DCD: variants seen among roughly 807,000 people sequenced by gnomAD.
The protein encoded by DCD is diffusible survival/evasion peptide.
A neutral mutation model predicts 14.5 loss-of-function variants in DCD; 17 were observed. The observed-to-expected ratio is 1.18, with a 90% CI of 0.81 to 1.76. The LOEUF is 1.76. Ranked by LOEUF, DCD falls within the 40% of genes most tolerant of loss-of-function variation. The pLI, the probability that DCD is intolerant of heterozygous loss-of-function variation, is 0.00. For synonymous variants in DCD, 64 were observed against 54.0 expected (o/e 1.19, Z -0.82); for missense variants, 139 against 133.4 (o/e 1.04, Z -0.21).
At chr12:54,647,306 C>T in intron 1 of DCD, 147 bp from the exon 2 acceptor site, 1 of 718,414 alleles carries the variant, frequency 1.4e-6, no homozygotes, top group East Asian at 2.9e-5. Context: ...CACAAGGGGC[C>T]CACTAGAAAT....
At position 54,645,639 on chromosome 12, in the gene DCD, G is replaced by A. The variant is rs202098511; in HGVS notation, c.166C>T (p.Pro56Ser). 4.6e-4 allele frequency: 737 copies of A among 1,614,138 alleles called. 10 individuals carry two copies. The Admixed American group carries it at 0.012, about 26-fold the overall frequency. Residue 56 changes from proline to serine, a missense_variant, in exon 3 of 5, where the codon CCA (proline) becomes TCA (serine). By Grantham distance (74) the Pro-to-Ser change is moderately conservative. Transcript: ENST00000293371. ...GEDPGLARQA[P>S]KPRKQRSSLL... is the part of the protein sequence containing the mutation. ...CTGGATCTCTGCTTCCTTGGCTTTG[G>A]TGCCTGTCTGGCTAACCCTGGGTCT...
In DCD at chr12:54,644,675, G is replaced by T; in HGVS notation, c.*38C>A. The stretch of plus-strand genomic sequence containing the variant: ...GTTTTAGGCTGAAGACGTAAAGCCT[G>T]CTGCTCCTGGGTATCATTTCTCAGC... On this transcript the variant is annotated 3_prime_UTR_variant, in exon 5 of 5. Transcript: ENST00000293371. 3 of 1,345,538 alleles carry T rather than the reference G, an allele frequency of 2.2e-6. No homozygotes were observed. Among genetic ancestry groups the T allele is most frequent in the Non-Finnish European group, 3.1e-6 (3 of 954,282 alleles). 83.3% of individuals were successfully genotyped at this position (1,345,538 alleles called of 1,614,324 possible). A position where few individuals can be genotyped will look rare whatever the true frequency, so the allele number is the denominator to read the frequency against.
chr12:54,645,055 G>A, intron 4 of DCD, 118 bp downstream of exon 4: 1 of 1,485,616 alleles, frequency 6.7e-7, no homozygotes, highest in Non-Finnish European at 9.3e-7. Context: ...AGGAATTGGA[G>A]ACATTTGAAA....
chr12:54,645,153 G>A lies in DCD; in HGVS notation c.289+20C>T, dbSNP rs1418497736. The A allele has an allele frequency of 1.9e-6, 3 of 1,611,198 alleles. No individual in the cohort carries two copies. In the African/African-American group the frequency reaches 4.0e-5, roughly 22 times the overall value. ...GAGACTGAGGCTGGTCCTGAGGGAG[G>A]AGTGGGGACATATACTCACCTTTAC... On this transcript the variant is annotated intron_variant, in intron 4 of 4. Transcript: ENST00000293371.
Position 54,645,666 on chromosome 12 carries a change from C to A in DCD, c.139G>T (p.Glu47Ter), listed in dbSNP as rs778572382. 8 of 1,614,174 alleles carry A rather than the reference C, an allele frequency of 5.0e-6. No homozygotes were observed. Among genetic ancestry groups the A allele is most frequent in the Non-Finnish European group, 6.8e-6 (8 of 1,179,998 alleles). ...GCCTGTCTGGCTAACCCTGGGTCTT[C>A]ACCTGCATTTTCCTTTTGAGCTGCT... ...ASAAQKENAG[E>*]DPGLARQAPK... The change falls in exon 3 of 5, where the codon GAA (glutamate) becomes TAA (stop). Residue 47 changes from glutamate to a stop codon, truncating the protein, a stop_gained. Transcript: ENST00000293371. LOFTEE classifies it high-confidence loss of function.
intron 2 of DCD, chr12:54,645,938 G>T: frequency 1.8e-6 from 1 of 563,400 alleles, no homozygotes. Flanking sequence ...TTCTAGAGTA[G>T]ATTATGGTTC....
chr12:54,644,624 A>T lies in DCD; in HGVS notation c.*89T>A, dbSNP rs1334024206. 41 of 651,624 alleles carry T rather than the reference A, an allele frequency of 6.3e-5. No homozygotes were observed. The highest frequency in any genetic ancestry group is 8.4e-4 in the Middle Eastern group (2 of 2,394). 40.4% of individuals were successfully genotyped at this position (651,624 alleles called of 1,614,324 possible). A position where few individuals can be genotyped will look rare whatever the true frequency, so the allele number is the denominator to read the frequency against. On this transcript the variant is annotated 3_prime_UTR_variant, in exon 5 of 5. Coordinates refer to ENST00000293371, the MANE Select transcript of DCD (RefSeq NM_053283.4). ...GCTTTCAGTTTAATAGCTGTTTTAA[A>T]TTTTTTTTTTTTTTTTTTTTTTTAG...
chr12:54,645,994 C>T (rs1330832827), intron 2 of DCD: 1 of 481,774 alleles, frequency 2.1e-6, no homozygotes, highest in Non-Finnish European at 4.1e-6. Flanking sequence ...CTTAAAGAGA[C>T]TCCCCCTAGT....
chr12:54,645,883 T>C, intron 2 of DCD, 176 bp from the exon 3 acceptor site: 1 of 601,268 alleles, frequency 1.7e-6, no homozygotes, highest in Non-Finnish European at 3.0e-6. Context: ...CCCTCAAGCT[T>C]TTTCCTGCTG....
Position 54,644,769 on chromosome 12 carries a change from C to T in DCD, c.290-13G>A. 1 of 1,595,066 alleles carries T rather than the reference C, an allele frequency of 6.3e-7. No homozygotes were observed. The highest frequency in any genetic ancestry group is 1.1e-5 in the South Asian group (1 of 89,480). ...TCATGGACGGCTCCTAGGACAGCCA[C>T]AGAAAAAAATGGGGTAAAGGGGTAG... On this transcript the variant is annotated splice_polypyrimidine_tract_variant and intron_variant, in intron 4 of 4. Transcript: ENST00000293371.
At chr12:54,644,994 G>C in intron 4 of DCD, 179 bp downstream of exon 4, 1 of 1,524,402 alleles carries the variant, frequency 6.6e-7, no homozygotes, top group Non-Finnish European at 8.9e-7. Flanking sequence ...AAGCAAGTTA[G>C]ACCCCAGGAA....
Position 54,645,234 on chromosome 12 carries a change from A to T in DCD, c.228T>A (p.Ala76=). The T allele has an allele frequency of 6.2e-7, 1 of 1,614,092 alleles. No individual in the cohort carries two copies. Among genetic ancestry groups the T allele is most frequent in the Non-Finnish European group, 8.5e-7 (1 of 1,180,016 alleles). The change falls in exon 4 of 5, where the codon GCT becomes GCA. Residue 76 remains alanine (A), a synonymous_variant. Transcript: ENST00000293371. ...LEKGLDGAKK[A]VGGLGKLGKD... ...TTCCTAGTTTTCCGAGTCCCCCCAC[A>T]GCTTTTTTTGCTCCGTCTAGGCCTT...
At chr12:54,646,806 A>T (rs956118944) in intron 2 of DCD, among the ~76,000 whole-genome samples, 4 of 152,134 alleles carry the variant, frequency 2.6e-5, no homozygotes, top group African/African-American at 9.7e-5. Context: ...ATTGTTGGTG[A>T]AGGTGGGGCA....
chr12:54,645,531 G>T, intron 3 of DCD, 75 bp downstream of exon 3: 1 of 1,352,534 alleles, frequency 7.4e-7, no homozygotes, highest in Non-Finnish European at 1.0e-6. Context: ...GTGCCTGTGA[G>T]GGCAGACTGG....
In DCD at chr12:54,644,663, G is replaced by A. The variant is rs369155507; in HGVS notation, c.*50C>T. 55 of 854,984 alleles carry A rather than the reference G, an allele frequency of 6.4e-5. No individual in the cohort carries two copies. Among genetic ancestry groups the A allele is most frequent in the Non-Finnish European group, 9.8e-5 (52 of 531,560 alleles). 53.0% of individuals were successfully genotyped at this position (854,984 alleles called of 1,614,324 possible). On this transcript the variant is annotated 3_prime_UTR_variant, in exon 5 of 5. Coordinates refer to ENST00000293371, the MANE Select transcript of DCD (RefSeq NM_053283.4). The stretch of plus-strand genomic sequence containing the variant: ...TTTTTTTTTTAGGTTTTAGGCTGAA[G>A]ACGTAAAGCCTGCTGCTCCTGGGTA...
chr12:54,644,891 T>C, intron 4 of DCD, 135 bp from the exon 5 acceptor site: 1 of 1,550,200 alleles, frequency 6.5e-7, no homozygotes, highest in East Asian at 2.4e-5. Flanking sequence ...TACACAGAAG[T>C]CAGAGGGATG....
intron 2 of DCD, chr12:54,646,182 G>A (rs753604862): frequency 8.8e-6 from 4 of 455,618 alleles, no homozygotes; most frequent in Non-Finnish European, 8.8e-6. Context: ...TATTGCATTG[G>A]TGTGAAACGC....
At position 54,644,723 on chromosome 12, in the gene DCD, G is replaced by T. The variant is rs1236717600; in HGVS notation, c.323C>A (p.Ser108Ter). 2 of 1,606,564 alleles carry T rather than the reference G, an allele frequency of 1.2e-6. No individual in the cohort carries two copies. The highest frequency in any genetic ancestry group is 1.1e-5 in the South Asian group (1 of 90,528). The change falls in exon 5 of 5, where the codon TCA (serine) becomes TAA (stop). Residue 108 changes from serine to a stop codon, truncating the protein, a stop_gained. Coordinates refer to ENST00000293371, the MANE Select transcript of DCD (RefSeq NM_053283.4). LOFTEE classifies it high-confidence loss of function. The part of the protein sequence containing the change: ...AVHDVKDVLD[S>*]VL ...AGCTTCTCCTTACAGCTATAGTACT[G>T]AGTCAAGGACGTCTTTAACGTCATG...
chr12:54,647,217 C>T (rs1185412556), intron 1 of DCD, 58 bp from the exon 2 acceptor site: 26 of 1,515,612 alleles, frequency 1.7e-5, no homozygotes, highest in Middle Eastern at 3.4e-4. Context: ...GAGCTGTATC[C>T]AGCCAGGGCT....
Sources: gnomAD v4.1 joint callset for allele counts (sites outside exome capture counted in the v4.1 genomes callset) on GRCh38, gnomAD v4.1.1 for gene constraint, MANE v1.5 for transcripts, NCBI Gene and HGNC (gene_info 2026-07-23, HGNC 2026-07-21) for gene names.